The following ACSM6 variants were observed in gnomAD, a reference collection of about 807,000 sequenced individuals.
ACSM6 encodes acyl-coenzyme A synthetase ACSM6, mitochondrial.
In ACSM6, 35 loss-of-function variants were observed where a neutral mutation model predicts 51.1. The observed-to-expected ratio is 0.69, with a 90% CI of 0.52 to 0.91. The LOEUF (loss-of-function observed/expected upper bound fraction) is 0.91, where lower values mean the gene tolerates loss of function less well. Among genes scored for constraint, ACSM6 ranks in the 40% least tolerant of loss-of-function variants. The probability of loss-of-function intolerance (pLI) is 0.00; values close to 1 mark genes in which losing one functional copy is unlikely to be tolerated. For missense variants in ACSM6, 509 were observed against 584.1 expected, an observed-to-expected ratio of 0.87 and a Z score of 1.32; for synonymous variants, 172 against 207.3, an observed-to-expected ratio of 0.83 and a Z score of 1.46.
At chr10:95,210,527 C>T in intron 4 of ACSM6, 123 bp from the exon 5 acceptor site, 1 of 1,084,776 alleles carries the variant, frequency 9.2e-7, no homozygotes, top group East Asian at 2.8e-5. Context: ...ACAAATAATC[C>T]TCAAATATAT....
At chr10:95,228,839 G>A in exon 11 of ACSM6, 1 of 1,465,034 alleles carries the variant, frequency 6.8e-7, no homozygotes, top group Non-Finnish European at 9.1e-7. Flanking sequence ...AGAAGACTCT[G>A]GACTGCTTCC....
intron 3 of ACSM6, among the ~76,000 whole-genome samples, chr10:95,206,907 C>T (rs1476182645): frequency 2.0e-5 from 3 of 152,128 alleles, no homozygotes; most frequent in African/African-American, 7.2e-5. Flanking sequence ...ATCACAGTTT[C>T]AAAATTAGGC....
chr10:95,194,763 T>C (rs2034709149), intron 2 of ACSM6, 86 bp downstream of exon 2: 2 of 1,224,450 alleles, frequency 1.6e-6, no homozygotes, highest in Non-Finnish European at 2.3e-6. Context: ...ATATCCCATC[T>C]ATGGCTGGCA....
chr10:95,227,977 A>C (rs2035056798), intron 10 of ACSM6, among the ~76,000 whole-genome samples: 1 of 152,134 alleles, frequency 6.6e-6, no homozygotes, highest in Non-Finnish European at 1.5e-5. Context: ...AGGCTGAGAC[A>C]CGAGAATCAC....
At chr10:95,227,132 T>C (rs2035047087) in intron 10 of ACSM6, among the ~76,000 whole-genome samples, 1 of 151,856 alleles carries the variant, frequency 6.6e-6, no homozygotes, top group South Asian at 2.1e-4. Flanking sequence ...GATTACCAGC[T>C]CTCACCACCA....
At chr10:95,228,518 G>A in intron 10 of ACSM6, 126 bp from the exon 11 acceptor site, 1 of 912,628 alleles carries the variant, frequency 1.1e-6, no homozygotes, top group Non-Finnish European at 1.5e-6. Context: ...GAGATCCCCT[G>A]GAGAGTGGGG....
chr10:95,195,241 A>AT (rs1564584810), intron 2 of ACSM6, among the ~76,000 whole-genome samples: 1 of 152,224 alleles, frequency 6.6e-6, no homozygotes, highest in African/African-American at 2.4e-5. Context: ...GGAAATAAGT[A>AT]TAAGTATGCC....
At chr10:95,206,315 T>C (rs997136947) in intron 3 of ACSM6, among the ~76,000 whole-genome samples, 1 of 152,264 alleles carries the variant, frequency 6.6e-6, no homozygotes, top group Non-Finnish European at 1.5e-5. Context: ...ACCCATGTTA[T>C]AGCATGTGTC....
intron 2 of ACSM6, among the ~76,000 whole-genome samples, chr10:95,196,002 C>T (rs1219690409): frequency 6.6e-6 from 1 of 152,036 alleles, no homozygotes; most frequent in East Asian, 1.9e-4. Context: ...GGGTGCCCTC[C>T]CCACCCATTC....
At chr10:95,197,844 G>A (rs1473143155) in intron 2 of ACSM6, among the ~76,000 whole-genome samples, 4 of 152,348 alleles carry the variant, frequency 2.6e-5, no homozygotes, top group East Asian at 3.9e-4. Context: ...ATCACATGGG[G>A]AGAAACCTTG....
At chr10:95,224,154 C>T (rs1361858294) in intron 9 of ACSM6, among the ~76,000 whole-genome samples, 10 of 152,138 alleles carry the variant, frequency 6.6e-5, no homozygotes, top group African/African-American at 2.2e-4. Flanking sequence ...GTCTAAAGTT[C>T]GTCATCAAAG....
At chr10:95,212,976 A>T in intron 7 of ACSM6, 36 bp downstream of exon 7, 1 of 1,519,400 alleles carries the variant, frequency 6.6e-7, no homozygotes, top group African/African-American at 1.4e-5. Context: ...GTCCATTTCC[A>T]CTCATGGTAC....
chr10:95,195,464 A>G (rs933943360), intron 2 of ACSM6, among the ~76,000 whole-genome samples: 18 of 152,156 alleles, frequency 1.2e-4, no homozygotes, highest in African/African-American at 4.1e-4. Flanking sequence ...ATGAGGAGAA[A>G]ACAGGCAGGA....
chr10:95,214,448 A>G (rs1342460660), intron 7 of ACSM6, among the ~76,000 whole-genome samples: 1 of 152,236 alleles, frequency 6.6e-6, no homozygotes, highest in African/African-American at 2.4e-5. Context: ...TTATAAAATT[A>G]GTGGCTCTCT....
chr10:95,226,006 C>T (rs910363047), intron 10 of ACSM6: 1 of 152,172 alleles, frequency 6.6e-6, no homozygotes, highest in Non-Finnish European at 1.5e-5. Context: ...AAACATCTTT[C>T]TCAAGACTAT....
intron 2 of ACSM6, among the ~76,000 whole-genome samples, chr10:95,201,182 A>G (rs953383263): frequency 6.6e-6 from 1 of 152,194 alleles, no homozygotes; most frequent in Non-Finnish European, 1.5e-5. Context: ...TTCTTAAAAA[A>G]ATTTAGACTC....
rs931406151 is a variant in ACSM6, at chr10:95,228,836, T to G, written c.*52T>G. The G allele has an allele frequency of 7.2e-5, 107 of 1,476,756 alleles. 1 individual carries two copies. The highest frequency in any genetic ancestry group is 2.3e-5 in the Non-Finnish European group (25 of 1,105,594). 91.5% of individuals were successfully genotyped at this position (1,476,756 alleles called of 1,614,324 possible). On this transcript the variant is annotated 3_prime_UTR_variant, in exon 11 of 11. Coordinates refer to ENST00000341686, the Ensembl canonical transcript of ACSM6. ...GGGGCTGTGGGAGTTTGAAGAAGAC[T>G]CTGGACTGCTTCCAATACGTAGGAA...
At chr10:95,210,556 T>A in intron 4 of ACSM6, 94 bp from the exon 5 acceptor site, 1 of 1,299,112 alleles carries the variant, frequency 7.7e-7, no homozygotes, top group Non-Finnish European at 1.0e-6. Context: ...CAGCTGTTAT[T>A]TTTTAAAATC....
chr10:95,200,975 C>T (rs1477959239), intron 2 of ACSM6, among the ~76,000 whole-genome samples: 1 of 152,142 alleles, frequency 6.6e-6, no homozygotes, highest in Admixed American at 6.5e-5. Flanking sequence ...AATGGAAATG[C>T]TTTGAAAGTT....
Sources: gnomAD v4.1 joint callset for allele counts (sites outside exome capture counted in the v4.1 genomes callset) on GRCh38, gnomAD v4.1.1 for gene constraint, MANE v1.5 for transcripts, NCBI Gene and HGNC (gene_info 2026-07-23, HGNC 2026-07-21) for gene names.